PDS5B: variants seen among roughly 807,000 people sequenced by gnomAD.
PDS5B encodes PDS5 cohesin associated factor B.
In PDS5B, 51 loss-of-function variants were observed where a neutral mutation model predicts 184.1. The ratio of observed to expected loss-of-function variants is 0.28; its 90% CI spans 0.22 to 0.35. The LOEUF (loss-of-function observed/expected upper bound fraction) is 0.35, where lower values mean the gene tolerates loss of function less well. Among genes scored for constraint, PDS5B ranks in the 10% least tolerant of loss-of-function variants. PDS5B has a pLI of 1.00. For missense variants in PDS5B, 1,180 were observed against 1,723.3 expected (o/e 0.68, Z 5.58); for synonymous variants, 566 against 569.2 (o/e 0.99, Z 0.08).
At chr13:32,721,119 C>T (rs1203834704) in intron 19 of PDS5B, among the ~76,000 whole-genome samples, 1 of 152,264 alleles carries the variant, frequency 6.6e-6, no homozygotes, top group Non-Finnish European at 1.5e-5. Flanking sequence ...GACAAAACCA[C>T]CATTGTCATC....
chr13:32,742,091 T>C (rs1321202291), intron 22 of PDS5B, among the ~76,000 whole-genome samples: 2 of 152,192 alleles, frequency 1.3e-5, no homozygotes, highest in Non-Finnish European at 2.9e-5. Flanking sequence ...GCTGAGCTAA[T>C]ATGTGAAAGA....
intron 19 of PDS5B, among the ~76,000 whole-genome samples, chr13:32,711,918 T>G (rs531620416): frequency 6.6e-6 from 1 of 152,340 alleles, no homozygotes; most frequent in South Asian, 2.1e-4. Flanking sequence ...AGTGCGGTTA[T>G]TATCCTAGTT....
Position 32,678,820 on chromosome 13 carries a change from T to G in PDS5B, c.963-15T>G. On this transcript the variant is annotated splice_polypyrimidine_tract_variant and intron_variant, in intron 9 of 34. Transcript: ENST00000315596. ...CTTATTTTGAAGCTCACTCTGTGCT[T>G]TTATATTTTATCAGGTTTAATGATA... 7.0e-7 allele frequency: 1 copy of G among 1,421,848 alleles called. No individual in the cohort carries two copies. Among genetic ancestry groups the G allele is most frequent in the Non-Finnish European group, 9.9e-7 (1 of 1,005,304 alleles). 88.1% of individuals were successfully genotyped at this position (1,421,848 alleles called of 1,614,324 possible).
intron 11 of PDS5B, among the ~76,000 whole-genome samples, chr13:32,684,718 G>C (rs1182168215): frequency 6.6e-6 from 1 of 152,188 alleles, no homozygotes; most frequent in African/African-American, 2.4e-5. Flanking sequence ...GAGTAATTTT[G>C]GTGAAGGATG....
At chr13:32,718,234 T>C (rs1250535687) in intron 19 of PDS5B, among the ~76,000 whole-genome samples, 1 of 151,762 alleles carries the variant, frequency 6.6e-6, no homozygotes, top group Non-Finnish European at 1.5e-5. Context: ...CACTGCAAGC[T>C]CCGCCTCCCG....
At chr13:32,631,125 T>C (rs927440094) in intron 1 of PDS5B, among the ~76,000 whole-genome samples, 1 of 148,422 alleles carries the variant, frequency 6.7e-6, no homozygotes, top group Non-Finnish European at 1.5e-5. Flanking sequence ...TTTCTTTTTT[T>C]TTTTTTTTGA....
At chr13:32,694,820 A>G (rs1951656505) in intron 14 of PDS5B, among the ~76,000 whole-genome samples, 1 of 149,268 alleles carries the variant, frequency 6.7e-6, no homozygotes, top group Non-Finnish European at 1.5e-5. Flanking sequence ...TTTATCTTTT[A>G]TCAATCATTT....
At chr13:32,620,711 T>C (rs1347928648) in intron 1 of PDS5B, among the ~76,000 whole-genome samples, 1 of 152,118 alleles carries the variant, frequency 6.6e-6, no homozygotes, top group Non-Finnish European at 1.5e-5. Context: ...TGTTTCTAGC[T>C]TTAGAGGAAA....
At chr13:32,738,100 C>A (rs143931859) in intron 21 of PDS5B, among the ~76,000 whole-genome samples, 10 of 152,184 alleles carry the variant, frequency 6.6e-5, no homozygotes, top group Middle Eastern at 3.4e-3. Flanking sequence ...TGGAAAATAT[C>A]TCGTAATTTA....
chr13:32,618,437 G>C (rs966108082), intron 1 of PDS5B, among the ~76,000 whole-genome samples: 1 of 151,988 alleles, frequency 6.6e-6, no homozygotes, highest in African/African-American at 2.4e-5. Context: ...TTGCTATTCT[G>C]CTCCATCCTG....
At chr13:32,725,402 A>G (rs979615573) in intron 19 of PDS5B, among the ~76,000 whole-genome samples, 1 of 151,986 alleles carries the variant, frequency 6.6e-6, no homozygotes, top group Non-Finnish European at 1.5e-5. Context: ...AACAATCCCA[A>G]TAATCTCTGT....
intron 1 of PDS5B, among the ~76,000 whole-genome samples, chr13:32,636,035 C>T (rs9595971): frequency 0.012 from 1,805 of 152,228 alleles, 38 homozygotes; most frequent in African/African-American, 0.04. Flanking sequence ...TCCCAAAGTG[C>T]TGGGATTACA....
intron 1 of PDS5B, among the ~76,000 whole-genome samples, chr13:32,595,159 A>G (rs1209981455): frequency 6.6e-6 from 1 of 151,780 alleles, no homozygotes; most frequent in Non-Finnish European, 1.5e-5. Context: ...TTAATAACAG[A>G]TTTCTTTCTT....
rs957010645 is a variant in PDS5B at position 32,629,191 on chromosome 13, T to A, written c.-19-19563T>A. On this transcript the variant is annotated intron_variant, in intron 1 of 34. Coordinates refer to ENST00000315596, the MANE Select transcript of PDS5B (RefSeq NM_015032.4). The stretch of plus-strand genomic sequence containing the variant: ...TTTGATATATTGCACATTGTTATAA[T>A]GTTTTGGTTAGAAGAGTTTGTTTCA... 1.9e-4 allele frequency among the ~76,000 whole-genome samples: 29 copies of A among 152,198 alleles called. 1 individual carries two copies.
intron 1 of PDS5B, among the ~76,000 whole-genome samples, chr13:32,621,829 T>G (rs1054807120): frequency 6.6e-6 from 1 of 152,218 alleles, no homozygotes; most frequent in South Asian, 2.1e-4. Flanking sequence ...GTTGCTTTAG[T>G]GCTATAAATG....
At chr13:32,618,424 C>T (rs1019417999) in intron 1 of PDS5B, among the ~76,000 whole-genome samples, 9 of 152,130 alleles carry the variant, frequency 5.9e-5, no homozygotes, top group African/African-American at 1.9e-4. Context: ...ATGATGAAAT[C>T]ACTTGCTATT....
intron 24 of PDS5B, among the ~76,000 whole-genome samples, chr13:32,752,307 A>G (rs550334238): frequency 6.6e-6 from 1 of 152,172 alleles, no homozygotes; most frequent in Non-Finnish European, 1.5e-5. Flanking sequence ...AGGTATCTAT[A>G]TATAGAAAAA....
At chr13:32,711,340 C>CT (rs1395020487) in intron 19 of PDS5B, among the ~76,000 whole-genome samples, 4 of 151,826 alleles carry the variant, frequency 2.6e-5, no homozygotes, top group African/African-American at 9.7e-5. Flanking sequence ...ATAACAGTCT[C>CT]TCTGGCAAGA....
intron 29 of PDS5B, among the ~76,000 whole-genome samples, chr13:32,760,191 G>A (rs1954330632): frequency 2.6e-5 from 4 of 152,150 alleles, no homozygotes; most frequent in African/African-American, 7.2e-5. Context: ...TCCTGACCTC[G>A]TGATACACCC....
Sources: gnomAD v4.1 joint callset for allele counts (sites outside exome capture counted in the v4.1 genomes callset) on GRCh38, gnomAD v4.1.1 for gene constraint, MANE v1.5 for transcripts, NCBI Gene and HGNC (gene_info 2026-07-23, HGNC 2026-07-21) for gene names.